Variants in SGK1 observed in about 807,000 individuals in gnomAD.
The protein encoded by SGK1 is serine/threonine-protein kinase Sgk1.
In SGK1, 26 loss-of-function variants were observed where a neutral mutation model predicts 64.2. That is an observed-to-expected ratio of 0.40 (90% CI 0.30 to 0.56). The LOEUF (loss-of-function observed/expected upper bound fraction) is 0.56, where lower values mean the gene tolerates loss of function less well. Ranked by LOEUF, SGK1 falls within the 20% of genes least tolerant of loss-of-function variation. The pLI is 0.38. For missense variants in SGK1, 519 were observed against 645.6 expected (o/e 0.80, Z 2.12); for synonymous variants, 265 against 239.7 (o/e 1.11, Z -0.98).
rs1180614592 is a variant in SGK1 at position 134,196,791 on chromosome 6, G to A, written c.361+10565C>T. 3.9e-5 allele frequency among the ~76,000 whole-genome samples: 6 copies of A among 152,358 alleles called. No individual in the cohort carries two copies. The East Asian group carries it at 1.2e-3, about 29-fold the overall frequency. ...AAAAACCACGTATGAGTGACAGAGTGAGTGGGTCTCTTTCTGATGGATTAA... is the reference window on the plus strand; with the variant it reads ...AAAAACCACGTATGAGTGACAGAGTAAGTGGGTCTCTTTCTGATGGATTAA... On this transcript the variant is annotated intron_variant, in intron 3 of 13. Coordinates refer to ENST00000367858, the MANE Select transcript of SGK1 (RefSeq NM_001143676.3).
chr6:134,243,349 T>A (rs1256680242), intron 2 of SGK1, among the ~76,000 whole-genome samples: 1 of 152,070 alleles, frequency 6.6e-6, no homozygotes, highest in Non-Finnish European at 1.5e-5. Context: ...TGTATTTATT[T>A]TTTATTTATT....
At chr6:134,243,929 A>G (rs1333793504) in intron 2 of SGK1, among the ~76,000 whole-genome samples, 1 of 152,126 alleles carries the variant, frequency 6.6e-6, no homozygotes, top group Non-Finnish European at 1.5e-5. Flanking sequence ...AGAAAACTCT[A>G]AACAATAGTT....
chr6:134,264,185 T>C (rs893830848), intron 1 of SGK1, among the ~76,000 whole-genome samples: 1 of 151,306 alleles, frequency 6.6e-6, no homozygotes, highest in Non-Finnish European at 1.5e-5. Flanking sequence ...AGTGGCGCGA[T>C]CTCAGCTCAC....
chr6:134,273,750 G>A (rs1776978122), intron 1 of SGK1, among the ~76,000 whole-genome samples: 2 of 151,976 alleles, frequency 1.3e-5, no homozygotes. Flanking sequence ...AAAAGGAGAG[G>A]CAAGAACTAA....
chr6:134,277,778 G>A (rs1777039200), intron 1 of SGK1, among the ~76,000 whole-genome samples: 1 of 152,130 alleles, frequency 6.6e-6, no homozygotes, highest in Non-Finnish European at 1.5e-5. Flanking sequence ...GTAAGAATAA[G>A]GTTAAGTGTG....
intron 3 of SGK1, chr6:134,177,565 G>T: frequency 1.2e-6 from 1 of 857,118 alleles, no homozygotes; most frequent in Admixed American, 2.2e-5. Flanking sequence ...CCTACAACCA[G>T]AGACCCTCTC....
At chr6:134,314,281 G>C in intron 1 of SGK1, among the ~76,000 whole-genome samples, 1 of 152,104 alleles carries the variant, frequency 6.6e-6, no homozygotes, top group East Asian at 1.9e-4. Context: ...GGACTAGAAA[G>C]GAGCTGGAAG....
At chr6:134,197,875 A>T (rs1775619707) in intron 3 of SGK1, among the ~76,000 whole-genome samples, 1 of 95,182 alleles carries the variant, frequency 1.1e-5, no homozygotes, top group Admixed American at 9.1e-5. Flanking sequence ...AAAATAAAAT[A>T]AAATATAAAA....
intron 1 of SGK1, among the ~76,000 whole-genome samples, chr6:134,286,180 G>C (rs1336195661): frequency 6.6e-6 from 1 of 152,170 alleles, no homozygotes; most frequent in Admixed American, 6.5e-5. Context: ...TATTAGATTT[G>C]TTTAGAAGTT....
chr6:134,266,444 G>T (rs915082550), intron 1 of SGK1, among the ~76,000 whole-genome samples: 20 of 152,034 alleles, frequency 1.3e-4, no homozygotes, highest in African/African-American at 4.8e-4. Context: ...GTGAAACCCT[G>T]ACTCTCCTAA....
At chr6:134,183,911 A>T (rs967897900) in intron 3 of SGK1, among the ~76,000 whole-genome samples, 1 of 123,896 alleles carries the variant, frequency 8.1e-6, no homozygotes, top group African/African-American at 3.1e-5. Context: ...GTGCTTAGTT[A>T]TTTAAATCTC....
intron 2 of SGK1, chr6:134,257,203 G>C (rs1776698190): frequency 6.6e-6 from 1 of 152,546 alleles, no homozygotes; most frequent in Non-Finnish European, 1.5e-5. Flanking sequence ...GAGGCAGGCA[G>C]ATCACCTGAG....
At chr6:134,279,812 T>G (rs888374267) in intron 1 of SGK1, among the ~76,000 whole-genome samples, 1 of 152,172 alleles carries the variant, frequency 6.6e-6, no homozygotes, top group East Asian at 1.9e-4. Flanking sequence ...CATACGAATT[T>G]GAAATGAGCA....
intron 3 of SGK1, chr6:134,177,790 T>C (rs1349612839): frequency 2.5e-6 from 4 of 1,613,744 alleles, no homozygotes; most frequent in Non-Finnish European, 3.4e-6. Flanking sequence ...CCCTGCTACA[T>C]GCCTCTGATA....
intron 3 of SGK1, among the ~76,000 whole-genome samples, chr6:134,194,520 CTTT>C (rs71708614): frequency 5.0e-5 from 7 of 138,660 alleles, no homozygotes; most frequent in Non-Finnish European, 3.1e-5. Context: ...AAAAGTTTTT[CTTT>C]TTTTTTTTTT....
intron 5 of SGK1, 98 bp downstream of exon 5, chr6:134,173,907 A>G: frequency 1.3e-6 from 1 of 796,512 alleles, no homozygotes. Context: ...CTGCCTTGAT[A>G]CTAATTTCTA....
intron 1 of SGK1, among the ~76,000 whole-genome samples, chr6:134,301,538 C>G (rs945606669): frequency 4.3e-5 from 2 of 46,932 alleles, no homozygotes; most frequent in Non-Finnish European, 8.6e-5. Context: ...CTTTTCTTCT[C>G]TTCTCTTCTC....
chr6:134,206,330 T>C (rs890527679), intron 3 of SGK1, among the ~76,000 whole-genome samples: 9 of 129,130 alleles, frequency 7.0e-5, no homozygotes, highest in African/African-American at 2.0e-4. Flanking sequence ...CACAAAGCTG[T>C]ACCTGATGAT....
At chr6:134,239,279 C>T (rs1582735305) in intron 2 of SGK1, among the ~76,000 whole-genome samples, 1 of 152,362 alleles carries the variant, frequency 6.6e-6, no homozygotes, top group Admixed American at 6.5e-5. Flanking sequence ...TGATAATACA[C>T]CACCTTCTCA....
Sources: allele counts gnomAD v4.1 joint callset (sites outside exome capture counted in the v4.1 genomes callset), GRCh38; gene constraint gnomAD v4.1.1; transcripts MANE v1.5; gene names NCBI Gene and HGNC (gene_info 2026-07-23, HGNC 2026-07-21).